DPP10: variants seen among roughly 807,000 people sequenced by gnomAD.
DPP10 encodes inactive dipeptidyl peptidase 10.
A neutral mutation model predicts 120.9 loss-of-function variants in DPP10; 33 were observed. That is an observed-to-expected ratio of 0.27 (90% CI 0.21 to 0.37). The LOEUF (loss-of-function observed/expected upper bound fraction) is 0.37, where lower values mean the gene tolerates loss of function less well. Ranked by LOEUF, DPP10 falls within the 10% of genes least tolerant of loss-of-function variation. The probability of loss-of-function intolerance (pLI) is 1.00; values close to 1 mark genes in which losing one functional copy is unlikely to be tolerated. For missense variants in DPP10, 816 were observed against 942.8 expected (o/e 0.87, Z 1.76); for synonymous variants, 337 against 326.1 (o/e 1.03, Z -0.36).
intron 1 of DPP10, among the ~76,000 whole-genome samples, chr2:115,270,113 CAG>C (rs1324248286): frequency 1.2e-3 from 160 of 128,202 alleles, no homozygotes; most frequent in African/African-American, 3.9e-3. Flanking sequence ...CACACACACA[CAG>C]ACACACACAC....
chr2:114,975,835 G>C (rs1699720084), intron 1 of DPP10, among the ~76,000 whole-genome samples: 1 of 152,008 alleles, frequency 6.6e-6, no homozygotes, highest in South Asian at 2.1e-4. Context: ...ATTTTTAGTA[G>C]AGATGGGGTT....
intron 1 of DPP10, among the ~76,000 whole-genome samples, chr2:115,261,889 A>G (rs920722579): frequency 6.6e-6 from 1 of 152,200 alleles, no homozygotes; most frequent in African/African-American, 2.4e-5. Context: ...ACAGCTACTA[A>G]CAGCCTTAAA....
At chr2:115,261,308 C>T (rs2059241568) in intron 1 of DPP10, among the ~76,000 whole-genome samples, 2 of 152,148 alleles carry the variant, frequency 1.3e-5, no homozygotes, top group Non-Finnish European at 1.5e-5. Context: ...CTAAAGGGCA[C>T]TGAGCAATAC....
chr2:115,125,791 C>T (rs963036100), intron 1 of DPP10, among the ~76,000 whole-genome samples: 13 of 151,922 alleles, frequency 8.6e-5, no homozygotes, highest in Non-Finnish European at 1.5e-4. Flanking sequence ...ACCACGTTAG[C>T]CAGGATAGTC....
At chr2:115,834,943 C>T (rs745507847) in intron 21 of DPP10, among the ~76,000 whole-genome samples, 3 of 151,944 alleles carry the variant, frequency 2.0e-5, no homozygotes, top group East Asian at 1.9e-4. Flanking sequence ...AAAAATTAGC[C>T]GGGCTGGTGG....
intron 1 of DPP10, among the ~76,000 whole-genome samples, chr2:115,213,856 A>G (rs1258046288): frequency 6.6e-6 from 1 of 152,138 alleles, no homozygotes; most frequent in Non-Finnish European, 1.5e-5. Context: ...ACCTACTACA[A>G]TCAGTAGATT....
At chr2:115,040,952 C>G (rs1413722356) in intron 1 of DPP10, among the ~76,000 whole-genome samples, 1 of 151,894 alleles carries the variant, frequency 6.6e-6, no homozygotes, top group East Asian at 1.9e-4. Flanking sequence ...AGCTCCGTCT[C>G]TACTAAAAAT....
chr2:115,341,744 T>C (rs1299324450), intron 2 of DPP10, among the ~76,000 whole-genome samples: 2 of 151,628 alleles, frequency 1.3e-5, no homozygotes, highest in East Asian at 1.9e-4. Context: ...ATAATATGCA[T>C]TTAAGTTTCC....
chr2:115,607,680 A>G (rs2083789703), intron 5 of DPP10, among the ~76,000 whole-genome samples: 1 of 152,188 alleles, frequency 6.6e-6, no homozygotes. Flanking sequence ...TATGCTTCAT[A>G]TCACACTTGT....
At chr2:115,637,420 T>C (rs2086432143) in intron 5 of DPP10, among the ~76,000 whole-genome samples, 1 of 152,010 alleles carries the variant, frequency 6.6e-6, no homozygotes, top group Non-Finnish European at 1.5e-5. Context: ...AGTACAAATT[T>C]CTAAAAATAG....
intron 5 of DPP10, among the ~76,000 whole-genome samples, chr2:115,673,787 ACTGCCTTATCT>A: frequency 6.6e-6 from 1 of 152,224 alleles, no homozygotes; most frequent in Non-Finnish European, 1.5e-5. Flanking sequence ...GTTGAGAGTC[ACTGCCTTATCT>A]ATAGTCTGAA....
At chr2:114,952,041 G>A (rs561301801) in intron 1 of DPP10, among the ~76,000 whole-genome samples, 87 of 151,850 alleles carry the variant, frequency 5.7e-4, no homozygotes, top group African/African-American at 2.1e-3. Flanking sequence ...ACTAATATAA[G>A]TAGTTTACAC....
chr2:114,511,141 G>T (rs980354112), intron 1 of DPP10, among the ~76,000 whole-genome samples: 2 of 152,140 alleles, frequency 1.3e-5, no homozygotes, highest in Non-Finnish European at 2.9e-5. Context: ...ATCAACATAG[G>T]TATATAGGTA....
chr2:115,456,144 G>A (rs528861542), intron 3 of DPP10, among the ~76,000 whole-genome samples: 3 of 152,078 alleles, frequency 2.0e-5, no homozygotes, highest in Non-Finnish European at 2.9e-5. Flanking sequence ...CAAAAAGTGG[G>A]TGAAGAAAAT....
intron 19 of DPP10, among the ~76,000 whole-genome samples, chr2:115,796,162 T>C (rs536730715): frequency 2.6e-5 from 4 of 152,224 alleles, no homozygotes; most frequent in Non-Finnish European, 4.4e-5. Context: ...TGCTTTGTTC[T>C]GGGGAACACC....
At chr2:114,967,502 A>G (rs1699117379) in intron 1 of DPP10, among the ~76,000 whole-genome samples, 1 of 152,298 alleles carries the variant, frequency 6.6e-6, no homozygotes, top group East Asian at 1.9e-4. Context: ...GAAGTGGTAT[A>G]TCAAGATAAG....
intron 1 of DPP10, among the ~76,000 whole-genome samples, chr2:114,545,026 A>G (rs1050130901): frequency 6.6e-6 from 1 of 151,938 alleles, no homozygotes; most frequent in Non-Finnish European, 1.5e-5. Flanking sequence ...TAATTTTTGT[A>G]TATTTAGTAG....
intron 1 of DPP10, among the ~76,000 whole-genome samples, chr2:115,004,118 T>C (rs1701641461): frequency 6.6e-6 from 1 of 152,052 alleles, no homozygotes; most frequent in Non-Finnish European, 1.5e-5. Context: ...CTCTCATTCA[T>C]ATATGGGAGC....
intron 1 of DPP10, among the ~76,000 whole-genome samples, chr2:114,930,593 T>G (rs554683550): frequency 6.6e-6 from 1 of 152,350 alleles, no homozygotes; most frequent in East Asian, 1.9e-4. Flanking sequence ...TATATTTCTA[T>G]CAGAATTTTC....
Sources: allele counts gnomAD v4.1 joint callset (sites outside exome capture counted in the v4.1 genomes callset), GRCh38; gene constraint gnomAD v4.1.1; transcripts MANE v1.5; gene names NCBI Gene and HGNC (gene_info 2026-07-23, HGNC 2026-07-21).